PLEKHG1: variants seen among roughly 807,000 people sequenced by gnomAD.
PLEKHG1 encodes pleckstrin homology and RhoGEF domain containing G1.
In PLEKHG1, 44 loss-of-function variants were observed where a neutral mutation model predicts 100.8. The observed-to-expected ratio is 0.44, with a 90% CI of 0.34 to 0.56. The LOEUF (loss-of-function observed/expected upper bound fraction) is 0.56, where lower values mean the gene tolerates loss of function less well. PLEKHG1 is among the 20% of genes least tolerant of loss of function. The probability of loss-of-function intolerance (pLI) is 0.01; values close to 1 mark genes in which losing one functional copy is unlikely to be tolerated. For missense variants in PLEKHG1, 1,545 were observed against 1,720.9 expected (o/e 0.90, Z 1.81); for synonymous variants, 640 against 662.5 (o/e 0.97, Z 0.52).
intron 3 of PLEKHG1, among the ~76,000 whole-genome samples, chr6:150,784,039 T>A (rs1161665833): frequency 6.6e-6 from 1 of 152,180 alleles, no homozygotes; most frequent in Non-Finnish European, 1.5e-5. Flanking sequence ...CACTGTACTC[T>A]CATGAGAGAA....
chr6:150,782,807 C>G (rs1166654008), intron 3 of PLEKHG1, among the ~76,000 whole-genome samples: 1 of 152,118 alleles, frequency 6.6e-6, no homozygotes, highest in Non-Finnish European at 1.5e-5. Context: ...TGAGGAACAC[C>G]ACACAATAAA....
upstream of PLEKHG1, among the ~76,000 whole-genome samples, chr6:150,720,385 TA>T (rs1416079919): frequency 6.6e-6 from 1 of 152,238 alleles, no homozygotes; most frequent in Admixed American, 6.5e-5. Flanking sequence ...ATTCTGTCTT[TA>T]CTACTTAGTA....
chr6:150,674,480 G>A (rs1779672660), intron 3 of PLEKHG1, among the ~76,000 whole-genome samples: 1 of 152,076 alleles, frequency 6.6e-6, no homozygotes, highest in Non-Finnish European at 1.5e-5. Context: ...ACTCTTCTAA[G>A]AATTATATCC....
chr6:150,770,179 A>G (rs1784652007), intron 3 of PLEKHG1, among the ~76,000 whole-genome samples: 1 of 152,286 alleles, frequency 6.6e-6, no homozygotes, highest in Non-Finnish European at 1.5e-5. Flanking sequence ...AAATTCTGCA[A>G]TGCCCTGTCA....
At chr6:150,616,093 G>T (rs781760466) in intron 1 of PLEKHG1, among the ~76,000 whole-genome samples, 1 of 152,176 alleles carries the variant, frequency 6.6e-6, no homozygotes, top group African/African-American at 2.4e-5. Flanking sequence ...ACTGGCCCCA[G>T]ATCTGAAGCT....
At chr6:150,730,578 C>T (rs192962308) in intron 1 of PLEKHG1, among the ~76,000 whole-genome samples, 58 of 152,186 alleles carry the variant, frequency 3.8e-4, no homozygotes, top group Admixed American at 3.1e-3. Context: ...CCTGACAGGC[C>T]GTGGACCGGT....
In PLEKHG1 at chr6:150,840,233, C is replaced by T. The variant is rs112259431; in HGVS notation, c.3495C>T (p.Ser1165=). The change falls in exon 16 of 16, where the codon TCC becomes TCT. Residue 1165 remains serine, a synonymous_variant. Transcript: ENST00000358517. Reference sequence around the variant, plus strand: ...GGTGTCAGGACCATCTTTACAACTCCTTGGGTCGGAAAGGGATCAGCGCTA... The same window carrying T: ...GGTGTCAGGACCATCTTTACAACTCTTTGGGTCGGAAAGGGATCAGCGCTA... 690 of 1,614,172 alleles carry T rather than the reference C, an allele frequency of 4.3e-4. 4 individuals are homozygous for T. In the Middle Eastern group the frequency reaches 7.8e-3, roughly 18 times the overall value.
At position 150,658,177 on chromosome 6, in the gene PLEKHG1, T is replaced by G. The variant is rs1000228081; in HGVS notation, c.-99+7391T>G. Among the ~76,000 whole-genome samples the G allele has an allele frequency of 2.6e-5, 4 of 152,180 alleles. No homozygotes were observed. The South Asian group carries it at 6.2e-4, about 24-fold the overall frequency. ...GTCCAGGGTAGGCATACTTCAGAAGTCTGTGTTTTATTGCATTATACCGTC... is the reference window on the plus strand; with the variant it reads ...GTCCAGGGTAGGCATACTTCAGAAGGCTGTGTTTTATTGCATTATACCGTC... On this transcript the variant is annotated intron_variant, in intron 3 of 3. Coordinates refer to the PLEKHG1 transcript ENST00000367326.
intron 15 of PLEKHG1, among the ~76,000 whole-genome samples, chr6:150,839,052 A>G (rs115235545): frequency 0.034 from 5,106 of 152,276 alleles, 108 homozygotes; most frequent in South Asian, 0.067. Flanking sequence ...TGAGACAAAA[A>G]AAGAATGATG....
intron 7 of PLEKHG1, among the ~76,000 whole-genome samples, chr6:150,807,900 G>T (rs1462324572): frequency 6.6e-6 from 1 of 152,030 alleles, no homozygotes; most frequent in Non-Finnish European, 1.5e-5. Flanking sequence ...ACCCAGGAGG[G>T]AGAGGTTGCA....
chr6:150,630,654 G>T (rs1284633302), intron 1 of PLEKHG1, among the ~76,000 whole-genome samples: 2 of 152,166 alleles, frequency 1.3e-5, no homozygotes, highest in Non-Finnish European at 2.9e-5. Context: ...GTGATGCCAG[G>T]TAGGTACGTG....
chr6:150,693,084 T>G (rs9372086), intron 3 of PLEKHG1, among the ~76,000 whole-genome samples: 1 of 151,954 alleles, frequency 6.6e-6, no homozygotes, highest in African/African-American at 2.4e-5. Context: ...GGTCAGGAGT[T>G]CGAAACCAGC....
exon 2 of PLEKHG1, chr6:150,733,814 C>A (rs1261122687): frequency 1.2e-6 from 2 of 1,614,172 alleles, no homozygotes; most frequent in South Asian, 2.2e-5. Context: ...CTTGTTTAAC[C>A]AGGATAAGGA....
intron 2 of PLEKHG1, among the ~76,000 whole-genome samples, chr6:150,753,522 A>G (rs1290793789): frequency 1.3e-5 from 2 of 152,176 alleles, no homozygotes; most frequent in Non-Finnish European, 2.9e-5. Flanking sequence ...GCTGCCGACC[A>G]TAAATACACA....
At chr6:150,739,392 G>A (rs1447734534) in intron 2 of PLEKHG1, among the ~76,000 whole-genome samples, 3 of 152,192 alleles carry the variant, frequency 2.0e-5, no homozygotes, top group Non-Finnish European at 4.4e-5. Context: ...ATGGGGCCAG[G>A]AGCAGTGGCT....
intron 3 of PLEKHG1, among the ~76,000 whole-genome samples, chr6:150,709,569 T>C (rs1353911836): frequency 1.3e-5 from 2 of 152,192 alleles, no homozygotes. Context: ...TCTTCTTAAA[T>C]GTCAGAGACT....
intron 3 of PLEKHG1, among the ~76,000 whole-genome samples, chr6:150,658,994 A>G (rs1432570176): frequency 3.3e-5 from 5 of 152,232 alleles, no homozygotes; most frequent in Admixed American, 2.0e-4. Flanking sequence ...AAGTCACTGC[A>G]TAACTCATGC....
intron 3 of PLEKHG1, among the ~76,000 whole-genome samples, chr6:150,701,685 A>G (rs990170566): frequency 6.8e-6 from 1 of 146,384 alleles, no homozygotes; most frequent in Non-Finnish European, 1.5e-5. Context: ...AAGGCATTGA[A>G]TGTTCATACA....
chr6:150,776,981 G>A (rs1350741205), intron 3 of PLEKHG1, among the ~76,000 whole-genome samples: 10 of 144,880 alleles, frequency 6.9e-5, no homozygotes, highest in Non-Finnish European at 1.1e-4. Flanking sequence ...CTGCACATCA[G>A]CCACACTGAG....
Sources: gnomAD v4.1 joint callset for allele counts (sites outside exome capture counted in the v4.1 genomes callset) on GRCh38, gnomAD v4.1.1 for gene constraint, MANE v1.5 for transcripts, NCBI Gene and HGNC (gene_info 2026-07-23, HGNC 2026-07-21) for gene names.